CHRM2: variants seen among roughly 807,000 people sequenced by gnomAD.
CHRM2 encodes cholinergic receptor muscarinic 2.
Under a neutral mutation model 25.0 loss-of-function variants are expected in CHRM2, and 8 were observed. That is an observed-to-expected ratio of 0.32 (90% CI 0.19 to 0.58). CHRM2 has a LOEUF of 0.58. Among genes scored for constraint, CHRM2 ranks in the 20% least tolerant of loss-of-function variants. The pLI is 0.88. For missense variants in CHRM2, 440 were observed against 567.1 expected, an observed-to-expected ratio of 0.78 and a Z score of 2.28; for synonymous variants, 202 against 205.7, an observed-to-expected ratio of 0.98 and a Z score of 0.15.
chr7:136,922,706 A>T (rs1798516593), intron 2 of CHRM2, among the ~76,000 whole-genome samples: 1 of 152,156 alleles, frequency 6.6e-6, no homozygotes, highest in African/African-American at 2.4e-5. Context: ...GGAGGTTATT[A>T]TTCTGGGAAG....
In CHRM2 at chr7:137,007,322, G is replaced by T. The variant is rs183344389; in HGVS notation, c.-46-7498G>T. Among the ~76,000 whole-genome samples, 338 of 152,240 alleles carry T rather than the reference G, an allele frequency of 2.2e-3. 2 individuals carry two copies. Among genetic ancestry groups the T allele is most frequent in the South Asian group, 0.016 (79 of 4,828 alleles). ...GACAAGAATGTGTTCTGTTTTGTTG[G>T]TCACCCATTCCTACTTCACTTCTAT... On this transcript the variant is annotated intron_variant, in intron 3 of 3. Transcript: ENST00000680005.
intron 2 of CHRM2, among the ~76,000 whole-genome samples, chr7:136,900,716 T>TA (rs553501355): frequency 3.2e-3 from 483 of 152,112 alleles, no homozygotes; most frequent in Admixed American, 5.9e-3. Flanking sequence ...ATCTTTTTTT[T>TA]AAAAAAAGAA....
At chr7:136,950,000 T>G (rs1800308683) in intron 2 of CHRM2, among the ~76,000 whole-genome samples, 1 of 152,172 alleles carries the variant, frequency 6.6e-6, no homozygotes, top group Admixed American at 6.5e-5. Flanking sequence ...TTATTCACAT[T>G]CTTTCCATCA....
chr7:136,963,640 T>TC (rs1324263153), intron 2 of CHRM2, among the ~76,000 whole-genome samples: 1 of 152,182 alleles, frequency 6.6e-6, no homozygotes, highest in Non-Finnish European at 1.5e-5. Flanking sequence ...ACATTTCAGT[T>TC]CATCTGCTCC....
intron 2 of CHRM2, chr7:136,902,052 G>T (rs916697632): frequency 6.6e-6 from 1 of 151,974 alleles, no homozygotes; most frequent in Non-Finnish European, 1.5e-5. Context: ...TAAGTGAAGG[G>T]TTGTTTATAA....
intron 2 of CHRM2, among the ~76,000 whole-genome samples, chr7:136,913,313 T>C (rs1312773289): frequency 6.6e-6 from 1 of 151,898 alleles, no homozygotes; most frequent in East Asian, 1.9e-4. Context: ...TTATTCAAGG[T>C]GGCAAAATAC....
chr7:136,994,139 C>A (rs1271047553), intron 3 of CHRM2, among the ~76,000 whole-genome samples: 2 of 152,142 alleles, frequency 1.3e-5, no homozygotes, highest in Non-Finnish European at 2.9e-5. Context: ...CAACCCCTTT[C>A]CTGACCTCCA....
chr7:136,935,381 C>T (rs1371305203), intron 2 of CHRM2, among the ~76,000 whole-genome samples: 2 of 152,010 alleles, frequency 1.3e-5, no homozygotes, highest in East Asian at 1.9e-4. Flanking sequence ...GTACACAGTA[C>T]CCCAGGCAAA....
chr7:136,960,822 G>A (rs1354272053), intron 2 of CHRM2, among the ~76,000 whole-genome samples: 1 of 152,058 alleles, frequency 6.6e-6, no homozygotes, highest in African/African-American at 2.4e-5. Flanking sequence ...TTTTGTGATG[G>A]ATATGAAAGC....
At chr7:136,955,187 C>T (rs1314230766) in intron 2 of CHRM2, among the ~76,000 whole-genome samples, 1 of 152,150 alleles carries the variant, frequency 6.6e-6, no homozygotes, top group Non-Finnish European at 1.5e-5. Context: ...CCTTCTTTCT[C>T]ATGATTTTGA....
At chr7:136,991,515 A>G (rs1803229533) in intron 2 of CHRM2, among the ~76,000 whole-genome samples, 1 of 152,132 alleles carries the variant, frequency 6.6e-6, no homozygotes, top group Non-Finnish European at 1.5e-5. Context: ...TGCCAATACC[A>G]AACTGTTTTG....
At chr7:137,011,450 A>T (rs1375927289) in intron 3 of CHRM2, among the ~76,000 whole-genome samples, 1 of 151,770 alleles carries the variant, frequency 6.6e-6, no homozygotes, top group Non-Finnish European at 1.5e-5. Flanking sequence ...GTCTGCCTGG[A>T]ATTCTGATGT....
At chr7:136,871,402 G>A (rs1343520424) in intron 2 of CHRM2, 1 of 152,608 alleles carries the variant, frequency 6.6e-6, no homozygotes, top group Non-Finnish European at 1.5e-5. Flanking sequence ...ATGCTGCCCA[G>A]GGAAGTTCGA....
chr7:136,884,039 G>A (rs1796365606), intron 2 of CHRM2, among the ~76,000 whole-genome samples: 1 of 151,970 alleles, frequency 6.6e-6, no homozygotes, highest in South Asian at 2.1e-4. Context: ...GTATCTACTT[G>A]GAGTAATGTA....
chr7:136,988,601 A>G (rs1455860), intron 2 of CHRM2, among the ~76,000 whole-genome samples: 99,545 of 151,980 alleles, frequency 0.65, 33,597 homozygotes, highest in Middle Eastern at 0.73. Flanking sequence ...GTCAGCTTCA[A>G]CCTGTACTCT....
intron 2 of CHRM2, among the ~76,000 whole-genome samples, chr7:136,872,681 T>C (rs1481258508): frequency 6.6e-6 from 1 of 152,136 alleles, no homozygotes; most frequent in Non-Finnish European, 1.5e-5. Flanking sequence ...TCAATGGAAG[T>C]TAGGCTGGCT....
chr7:136,921,547 C>T (rs1378859452), intron 2 of CHRM2, among the ~76,000 whole-genome samples: 7 of 152,064 alleles, frequency 4.6e-5, no homozygotes, highest in Admixed American at 3.9e-4. Context: ...TTAATTTACC[C>T]GTATTGCTAG....
chr7:136,955,480 A>G (rs957471168), intron 2 of CHRM2, among the ~76,000 whole-genome samples: 9 of 152,148 alleles, frequency 5.9e-5, no homozygotes, highest in African/African-American at 1.7e-4. Context: ...GATACATTCA[A>G]CCTTATGCAC....
At chr7:136,950,041 C>T (rs1335085893) in intron 2 of CHRM2, among the ~76,000 whole-genome samples, 2 of 152,034 alleles carry the variant, frequency 1.3e-5, no homozygotes, top group Non-Finnish European at 2.9e-5. Flanking sequence ...TTGTTATTGC[C>T]TCTCTAGTGG....
Sources: gnomAD v4.1 joint callset for allele counts (sites outside exome capture counted in the v4.1 genomes callset) on GRCh38, gnomAD v4.1.1 for gene constraint, MANE v1.5 for transcripts, NCBI Gene and HGNC (gene_info 2026-07-23, HGNC 2026-07-21) for gene names.